HIPK2: variants seen among roughly 807,000 people sequenced by gnomAD.
The protein encoded by HIPK2 is homeodomain-interacting protein kinase 2.
HIPK2 carries 27 observed loss-of-function variants against 113.7 expected under a neutral mutation model. That is an observed-to-expected ratio of 0.24 (90% CI 0.17 to 0.33). HIPK2 has a LOEUF of 0.33. Among genes scored for constraint, HIPK2 ranks in the 10% least tolerant of loss-of-function variants. The pLI is 1.00. For missense variants in HIPK2, 1,257 were observed against 1,588.0 expected, an observed-to-expected ratio of 0.79 and a Z score of 3.54; for synonymous variants, 631 against 642.2, an observed-to-expected ratio of 0.98 and a Z score of 0.26.
intron 1 of HIPK2, among the ~76,000 whole-genome samples, chr7:139,755,130 GCA>G (rs1796342979): frequency 6.6e-6 from 1 of 152,158 alleles, no homozygotes; most frequent in African/African-American, 2.4e-5. Context: ...TTAGGCACTG[GCA>G]CACACCATCA....
rs10570375 is a variant in HIPK2, at chr7:139,571,236, CGT to C, written c.*1689_*1690del. ...TACAGAGGGAGGGATCTGGCAAGAT[CGT>C]TAGAGCAAAACAGCCCAGGGAGCCG... On this transcript the variant is annotated 3_prime_UTR_variant, in exon 15 of 15. Coordinates refer to ENST00000406875, the MANE Select transcript of HIPK2 (RefSeq NM_022740.5). 3,989 of 152,444 alleles carry C rather than the reference CGT, an allele frequency of 0.026. 171 individuals are homozygous for C. The highest frequency in any genetic ancestry group is 0.09 in the African/African-American group (3,747 of 41,558). The allele number at this position is 152,444 out of a possible 1,614,324, so 9.4% of individuals were successfully genotyped here.
chr7:139,715,888 C>T (rs748065539), intron 2 of HIPK2, 44 bp downstream of exon 2: 1 of 1,585,680 alleles, frequency 6.3e-7, no homozygotes, highest in South Asian at 1.2e-5. Flanking sequence ...CTGTGAGTGC[C>T]ACTGGGCATT....
At chr7:139,604,518 A>G (rs1015610676) in intron 9 of HIPK2, among the ~76,000 whole-genome samples, 3 of 151,884 alleles carry the variant, frequency 2.0e-5, no homozygotes, top group African/African-American at 7.3e-5. Context: ...CATCTCTACT[A>G]AAAATACAAA....
At chr7:139,725,640 A>G (rs1795553273) in intron 1 of HIPK2, among the ~76,000 whole-genome samples, 1 of 152,240 alleles carries the variant, frequency 6.6e-6, no homozygotes, top group African/African-American at 2.4e-5. Context: ...AGAGCTGCTC[A>G]TCTAATTTCT....
chr7:139,664,399 T>C (rs1476604419), intron 2 of HIPK2, among the ~76,000 whole-genome samples: 1 of 151,988 alleles, frequency 6.6e-6, no homozygotes, highest in African/African-American at 2.4e-5. Flanking sequence ...TAGCCGGGCA[T>C]GGTGGTGGGT....
chr7:139,649,524 C>T (rs1377724047), intron 2 of HIPK2, among the ~76,000 whole-genome samples: 2 of 151,500 alleles, frequency 1.3e-5, no homozygotes, highest in African/African-American at 4.9e-5. Flanking sequence ...TTGAAGGAGG[C>T]AGAGGTGATG....
chr7:139,581,249 C>T (rs1329616072), intron 13 of HIPK2, among the ~76,000 whole-genome samples: 2 of 152,106 alleles, frequency 1.3e-5, no homozygotes, highest in African/African-American at 4.8e-5. Context: ...AGTGTCTCTC[C>T]AAGCTGGGAC....
intron 2 of HIPK2, among the ~76,000 whole-genome samples, chr7:139,657,733 A>G (rs552378777): frequency 6.6e-6 from 1 of 152,322 alleles, no homozygotes; most frequent in Admixed American, 6.5e-5. Context: ...TAGCAGTTTA[A>G]TCTCTCCAAT....
intron 10 of HIPK2, among the ~76,000 whole-genome samples, chr7:139,602,358 G>C (rs1020716707): frequency 1.3e-5 from 2 of 152,144 alleles, no homozygotes; most frequent in African/African-American, 2.4e-5. Flanking sequence ...ACTTCTGTTT[G>C]TTAGCCACAA....
intron 1 of HIPK2, among the ~76,000 whole-genome samples, chr7:139,727,935 A>AT (rs10524758): frequency 0.06 from 7,022 of 116,430 alleles, 432 homozygotes; most frequent in African/African-American, 0.14. Context: ...GCATTGGCTA[A>AT]TTTTTTTTTT....
At chr7:139,765,639 T>C (rs529873350) in intron 1 of HIPK2, among the ~76,000 whole-genome samples, 2 of 152,330 alleles carry the variant, frequency 1.3e-5, no homozygotes, top group Admixed American at 6.5e-5. Context: ...AGAATTTACA[T>C]TGGTGTAATG....
In HIPK2 at chr7:139,657,520, C is replaced by T. The variant is rs78034181; in HGVS notation, c.1104-25795G>A. 1.8e-4 allele frequency among the ~76,000 whole-genome samples: 27 copies of T among 152,322 alleles called. No homozygotes were observed. In the East Asian group the frequency reaches 4.8e-3, roughly 27 times the overall value. Reference sequence around the variant, plus strand: ...CAGGACTGGCACATTCTGCCTCCACCCAAATGATTCTTGGCCATCATCCCC... The same window carrying T: ...CAGGACTGGCACATTCTGCCTCCACTCAAATGATTCTTGGCCATCATCCCC... On this transcript the variant is annotated intron_variant, in intron 2 of 14. Transcript: ENST00000406875.
chr7:139,762,642 C>T (rs1796485433), intron 1 of HIPK2, among the ~76,000 whole-genome samples: 1 of 152,226 alleles, frequency 6.6e-6, no homozygotes, highest in Non-Finnish European at 1.5e-5. Flanking sequence ...ATATACTATA[C>T]ACTCTAAAAG....
At chr7:139,667,328 C>G (rs1283592373) in intron 2 of HIPK2, among the ~76,000 whole-genome samples, 1 of 152,004 alleles carries the variant, frequency 6.6e-6, no homozygotes, top group Non-Finnish European at 1.5e-5. Context: ...TCTTTAGAAA[C>G]AGTTGGATAA....
At chr7:139,702,386 G>A (rs1794735359) in intron 2 of HIPK2, among the ~76,000 whole-genome samples, 1 of 152,212 alleles carries the variant, frequency 6.6e-6, no homozygotes, top group Admixed American at 6.5e-5. Context: ...ATGTGGCCTT[G>A]GGCCACAGCC....
intron 1 of HIPK2, among the ~76,000 whole-genome samples, chr7:139,752,883 G>A (rs931896858): frequency 1.3e-5 from 2 of 152,180 alleles, no homozygotes; most frequent in Non-Finnish European, 2.9e-5. Flanking sequence ...GCTGCTACGG[G>A]CTGGACTTCT....
In HIPK2 at chr7:139,716,404, C is replaced by CA; in HGVS notation, c.630dup (p.Gly211TrpfsTer13). Reference sequence around the variant, plus strand: ...CGTTTCCAGCACTTGACCACTTGCCCAAACGTCCCTCGGCCCAAGAACTCT... The same window carrying CA: ...CGTTTCCAGCACTTGACCACTTGCCCAAAACGTCCCTCGGCCCAAGAACTCT... On this transcript the variant is annotated frameshift_variant, in exon 2 of 15. Transcript: ENST00000406875. LOFTEE classifies it high-confidence loss of function. The surrounding 1 kb of genome is among the most constrained non-coding windows in gnomAD (Gnocchi z 9.3). 6.2e-7 allele frequency: 1 copy of CA among 1,614,050 alleles called. No individual in the cohort carries two copies. Among genetic ancestry groups the CA allele is most frequent in the Non-Finnish European group, 8.5e-7 (1 of 1,179,950 alleles).
chr7:139,600,477 C>T lies in HIPK2; in HGVS notation c.2375G>A (p.Arg792Gln), dbSNP rs56132157. The T allele has an allele frequency of 1.5e-5, 25 of 1,613,860 alleles. No homozygotes were observed. Among genetic ancestry groups the T allele is most frequent in the Middle Eastern group, 3.3e-4 (2 of 6,048 alleles). ...PLNVGVAHVM[R>Q]QQPTSTTSSR... ...GGAGGTGGTGCTGGTTGGCTGCTGC[C>T]GCATCACGTGGGCCACACCCACATT... The change falls in exon 11 of 15, where the codon CGG becomes CAG. Residue 792 changes from arginine (R) to glutamine (Q), a missense_variant. Coordinates refer to ENST00000406875, the MANE Select transcript of HIPK2 (RefSeq NM_022740.5).
At chr7:139,707,110 G>A (rs1239902905) in intron 2 of HIPK2, among the ~76,000 whole-genome samples, 1 of 152,238 alleles carries the variant, frequency 6.6e-6, no homozygotes, top group Admixed American at 6.5e-5. Context: ...TCAGAGGTGG[G>A]ACGGAGCCCT....
Sources: allele counts gnomAD v4.1 joint callset (sites outside exome capture counted in the v4.1 genomes callset), GRCh38; gene constraint gnomAD v4.1.1; non-coding constraint Gnocchi (gnomAD v3.1); transcripts MANE v1.5; gene names NCBI Gene and HGNC (gene_info 2026-07-23, HGNC 2026-07-21).